The following CCDC178 variants were observed in gnomAD, a reference collection of about 807,000 sequenced individuals.
The protein encoded by CCDC178 is coiled-coil domain containing 178.
In CCDC178, 126 loss-of-function variants were observed where a neutral mutation model predicts 117.4. The observed-to-expected ratio is 1.07, with a 90% CI of 0.93 to 1.24. The LOEUF is 1.24. Among genes scored for constraint, CCDC178 ranks in the 50% most tolerant of loss-of-function variants. The pLI is 0.00. For synonymous variants in CCDC178, 283 were observed against 313.4 expected, an observed-to-expected ratio of 0.90 and a Z score of 1.02; for missense variants, 1,030 against 986.9, an observed-to-expected ratio of 1.04 and a Z score of -0.59.
chr18:33,348,748 T>C (rs1490555744), intron 8 of CCDC178, 142 bp downstream of exon 8: 18 of 604,940 alleles, frequency 3.0e-5, no homozygotes, highest in Middle Eastern at 4.5e-4. Flanking sequence ...TCAAATGATA[T>C]AGAGGACTAT....
At chr18:33,060,117 C>G in intron 21 of CCDC178, among the ~76,000 whole-genome samples, 1 of 152,010 alleles carries the variant, frequency 6.6e-6, no homozygotes, top group Non-Finnish European at 1.5e-5. Flanking sequence ...TTTGTGAAGT[C>G]TTAAATGAGT....
intron 21 of CCDC178, among the ~76,000 whole-genome samples, chr18:32,992,163 T>A (rs1468059571): frequency 2.6e-5 from 4 of 152,250 alleles, no homozygotes; most frequent in Admixed American, 2.0e-4. Flanking sequence ...GCATTTTTTT[T>A]ATCCTTTTCA....
Position 33,224,909 on chromosome 18 carries a change from G to A in CCDC178, c.1684C>T (p.Gln562Ter). The change falls in exon 17 of 23, where the codon CAG (glutamine) becomes TAG (stop). Residue 562 changes from glutamine (Q) to a stop codon, truncating the protein, a stop_gained. Coordinates refer to ENST00000383096, the MANE Select transcript of CCDC178 (RefSeq NM_001105528.4). LOFTEE classifies it high-confidence loss of function. ...ATAAGCTCTTTCCGCTCAAGTGCCT[G>A]GACTTCGTAAATGGAATATAGTTTT... ...QKKLYSIYEV[Q>*]ALERKELIKN... The A allele has an allele frequency of 2.0e-6, 3 of 1,530,390 alleles. No individual in the cohort carries two copies. Among genetic ancestry groups the A allele is most frequent in the Non-Finnish European group, 2.6e-6 (3 of 1,139,426 alleles). 94.8% of individuals were successfully genotyped at this position (1,530,390 alleles called of 1,614,324 possible).
intron 21 of CCDC178, among the ~76,000 whole-genome samples, chr18:33,004,077 A>G (rs770780534): frequency 2.6e-5 from 4 of 152,160 alleles, no homozygotes; most frequent in Non-Finnish European, 5.9e-5. Flanking sequence ...AAGAATCAAT[A>G]TAACTAAAAT....
Position 33,111,607 on chromosome 18 carries a change from AT to A in CCDC178, c.2239-18698del, listed in dbSNP as rs1054619726. On this transcript the variant is annotated intron_variant, in intron 20 of 22. Coordinates refer to ENST00000383096, the MANE Select transcript of CCDC178 (RefSeq NM_001105528.4). ...GTTATTAATTACCTTTTCACCTGCT[AT>A]TTTTCTCCATGGATAACAGAAAAAT... Among the ~76,000 whole-genome samples the A allele has an allele frequency of 6.7e-4, 101 of 151,742 alleles. 1 individual carries two copies. Among genetic ancestry groups the A allele is most frequent in the African/African-American group, 2.3e-3 (97 of 41,480 alleles).
Position 33,321,829 on chromosome 18 carries a change from C to T in CCDC178, c.1022+1662G>A, listed in dbSNP as rs150492194. ...TCCAAATATGTTAGTGATTCATGAA[C>T]GCACTTAATGGTCCACCCTTGAAAA... is the stretch of plus-strand genomic sequence containing the variant. On this transcript the variant is annotated intron_variant, in intron 11 of 22. Coordinates refer to ENST00000383096, the MANE Select transcript of CCDC178 (RefSeq NM_001105528.4). Among the ~76,000 whole-genome samples the T allele has an allele frequency of 2.6e-3, 392 of 151,632 alleles. 3 individuals carry two copies. Among genetic ancestry groups the T allele is most frequent in the African/African-American group, 8.7e-3 (360 of 41,436 alleles).
At chr18:33,416,381 C>T (rs913242274) in intron 2 of CCDC178, among the ~76,000 whole-genome samples, 17 of 151,136 alleles carry the variant, frequency 1.1e-4, no homozygotes, top group South Asian at 4.2e-4. Context: ...GAGCAGAGAT[C>T]GCGCCACTGC....
intron 21 of CCDC178, among the ~76,000 whole-genome samples, chr18:33,074,700 G>A (rs568136062): frequency 1.7e-4 from 26 of 152,124 alleles, no homozygotes; most frequent in Non-Finnish European, 7.4e-5. Flanking sequence ...GTGGTAAACA[G>A]TGATCAAATA....
chr18:33,120,745 C>T (rs2057925873), intron 20 of CCDC178, among the ~76,000 whole-genome samples: 2 of 152,092 alleles, frequency 1.3e-5, no homozygotes, highest in Non-Finnish European at 2.9e-5. Context: ...TATGTTTATA[C>T]ATACAATAAC....
chr18:33,338,549 T>A (rs2062773356), intron 9 of CCDC178, among the ~76,000 whole-genome samples: 1 of 152,160 alleles, frequency 6.6e-6, no homozygotes, highest in Non-Finnish European at 1.5e-5. Context: ...ACATATACCA[T>A]GGAATACTAC....
At position 33,211,997 on chromosome 18, in the gene CCDC178, A is replaced by G; in HGVS notation, c.2137T>C (p.Tyr713His). The G allele has an allele frequency of 6.2e-7, 1 of 1,608,462 alleles. No homozygotes were observed. Among genetic ancestry groups the G allele is most frequent in the South Asian group, 1.1e-5 (1 of 90,436 alleles). The change falls in exon 20 of 23, where the codon TAT (tyrosine) becomes CAT (histidine). Residue 713 changes from tyrosine to histidine, a missense_variant. Transcript: ENST00000383096. ...TCACAGTCTTTTTTCTCTTGCATAT[A>G]ATGATCAAACACAGTTTGTGCATGT... ...REHAQTVFDHYMQEKKDCEER... is the reference protein window; with the variant it reads ...REHAQTVFDHHMQEKKDCEER...
chr18:32,980,481 G>A (rs1388167084), intron 21 of CCDC178, among the ~76,000 whole-genome samples: 2 of 147,458 alleles, frequency 1.4e-5, no homozygotes, highest in Non-Finnish European at 3.0e-5. Flanking sequence ...TGAAGCAGGA[G>A]AATGGCGTGA....
chr18:32,943,092 T>G (rs1333719413), intron 22 of CCDC178, among the ~76,000 whole-genome samples: 3 of 152,190 alleles, frequency 2.0e-5, no homozygotes, highest in Non-Finnish European at 4.4e-5. Flanking sequence ...AGGAGAATCA[T>G]GAAGCTGAAT....
intron 6 of CCDC178, among the ~76,000 whole-genome samples, chr18:33,366,050 C>T (rs1252002901): frequency 6.6e-6 from 1 of 152,006 alleles, no homozygotes; most frequent in Non-Finnish European, 1.5e-5. Flanking sequence ...CCACAGGCGT[C>T]CAGAGTGTTC....
chr18:33,083,686 T>A (rs9954013), intron 21 of CCDC178, among the ~76,000 whole-genome samples: 5 of 152,238 alleles, frequency 3.3e-5, no homozygotes, highest in Non-Finnish European at 7.3e-5. Flanking sequence ...AGAGAAGTTA[T>A]CTTTTAAGGG....
Position 33,294,562 on chromosome 18 carries a change from A to C in CCDC178, c.1023-1250T>G, listed in dbSNP as rs530586450. Among the ~76,000 whole-genome samples the C allele has an allele frequency of 3.3e-5, 5 of 152,314 alleles. No homozygotes were observed. The South Asian group carries it at 6.2e-4, about 19-fold the overall frequency. On this transcript the variant is annotated intron_variant, in intron 11 of 22. Coordinates refer to ENST00000383096, the MANE Select transcript of CCDC178 (RefSeq NM_001105528.4). The stretch of plus-strand genomic sequence containing the variant: ...CCAGCAGCATAGTCAAATGAAACCG[A>C]AATCTACAATCTCACTATAGAAATG...
intron 15 of CCDC178, among the ~76,000 whole-genome samples, chr18:33,227,622 A>C (rs2059323260): frequency 6.7e-6 from 1 of 150,264 alleles, no homozygotes; most frequent in South Asian, 2.1e-4. Flanking sequence ...AGGAACAATA[A>C]AAATTCAGAA....
chr18:33,184,960 G>C (rs2058773007), intron 20 of CCDC178, among the ~76,000 whole-genome samples: 1 of 151,986 alleles, frequency 6.6e-6, no homozygotes, highest in Non-Finnish European at 1.5e-5. Context: ...AAGTGAAGCA[G>C]AATAGAAAAG....
intron 20 of CCDC178, among the ~76,000 whole-genome samples, chr18:33,161,876 C>A (rs937674444): frequency 2.6e-5 from 4 of 152,142 alleles, no homozygotes; most frequent in African/African-American, 9.7e-5. Context: ...CCACAATAAA[C>A]ATATGTGTGC....
Sources: gnomAD v4.1 joint callset for allele counts (sites outside exome capture counted in the v4.1 genomes callset) on GRCh38, gnomAD v4.1.1 for gene constraint, MANE v1.5 for transcripts, NCBI Gene and HGNC (gene_info 2026-07-23, HGNC 2026-07-21) for gene names.